PKP4: variants seen among roughly 807,000 people sequenced by gnomAD.
PKP4 encodes the protein plakophilin 4.
Under a neutral mutation model 145.1 loss-of-function variants are expected in PKP4, and 90 were observed. The observed-to-expected ratio is 0.62, with a 90% CI of 0.52 to 0.74. The LOEUF (loss-of-function observed/expected upper bound fraction) is 0.74. Ranked by LOEUF, PKP4 falls within the 30% of genes least tolerant of loss-of-function variation. The probability of loss-of-function intolerance (pLI) is 0.00; values close to 1 mark genes in which losing one functional copy is unlikely to be tolerated. For synonymous variants in PKP4, 563 were observed against 577.2 expected (o/e 0.98, Z 0.35); for missense variants, 1,340 against 1,482.7 (o/e 0.90, Z 1.58).
intron 4 of PKP4, among the ~76,000 whole-genome samples, chr2:158,610,232 G>A (rs566690831): frequency 7.8e-4 from 119 of 152,102 alleles, no homozygotes; most frequent in African/African-American, 2.7e-3. Context: ...AAACATTTCC[G>A]AGGGAATGTT....
intron 1 of PKP4, among the ~76,000 whole-genome samples, chr2:158,487,844 T>G (rs1465134620): frequency 6.6e-6 from 1 of 151,658 alleles, no homozygotes; most frequent in African/African-American, 2.4e-5. Context: ...AGGAAAAAGA[T>G]TTGACAAGGG....
At chr2:158,480,798 C>T (rs182861220) in intron 1 of PKP4, among the ~76,000 whole-genome samples, 17 of 152,172 alleles carry the variant, frequency 1.1e-4, no homozygotes, top group Admixed American at 2.6e-4. Flanking sequence ...GGACAATCAC[C>T]ATCCCTATCT....
intron 1 of PKP4, among the ~76,000 whole-genome samples, chr2:158,487,773 CTG>C (rs1491304414): frequency 2.1e-5 from 3 of 143,030 alleles, no homozygotes; most frequent in East Asian, 2.0e-4. Flanking sequence ...GAAAGAAAGA[CTG>C]AGAGAGAGAG....
chr2:158,563,552 TC>T (rs1187283452), intron 2 of PKP4, among the ~76,000 whole-genome samples: 2 of 152,186 alleles, frequency 1.3e-5, no homozygotes, highest in Non-Finnish European at 2.9e-5. Context: ...TTGCATGGAA[TC>T]CTATTATGTA....
chr2:158,543,397 A>G (rs2044691240), intron 2 of PKP4, among the ~76,000 whole-genome samples: 2 of 152,174 alleles, frequency 1.3e-5, no homozygotes, highest in Admixed American at 6.5e-5. Flanking sequence ...GAAATGGAAA[A>G]CACAAGATCA....
intron 10 of PKP4, among the ~76,000 whole-genome samples, chr2:158,641,953 CCTAT>C (rs774891795): frequency 2.0e-5 from 3 of 152,100 alleles, no homozygotes; most frequent in Non-Finnish European, 2.9e-5. Context: ...ACTTAAATCT[CCTAT>C]CTTTTTTTGA....
In PKP4 at chr2:158,642,707, T is replaced by C; in HGVS notation, c.1909+8T>C. On this transcript the variant is annotated splice_region_variant and intron_variant, in intron 11 of 21. Coordinates refer to ENST00000389759, the MANE Select transcript of PKP4 (RefSeq NM_003628.6). ...TAAGGGAGCTTGTTACAGGTAGGTATAGAATGTGATCTCGTCCTAGAGGAA... is the reference window on the plus strand; with the variant it reads ...TAAGGGAGCTTGTTACAGGTAGGTACAGAATGTGATCTCGTCCTAGAGGAA... 2 of 1,572,626 alleles carry C rather than the reference T, an allele frequency of 1.3e-6. No individual in the cohort carries two copies. Among genetic ancestry groups the C allele is most frequent in the African/African-American group, 1.3e-5 (1 of 74,106 alleles).
chr2:158,464,935 C>T (rs1020068532), intron 1 of PKP4, among the ~76,000 whole-genome samples: 7 of 152,186 alleles, frequency 4.6e-5, no homozygotes, highest in Admixed American at 2.0e-4. Flanking sequence ...TTATTTAAAA[C>T]GATACTACTT....
At chr2:158,678,550 A>G (rs776956766) in intron 20 of PKP4, 31 bp from the exon 21 acceptor site, 1 of 1,467,594 alleles carries the variant, frequency 6.8e-7, no homozygotes, top group Non-Finnish European at 9.6e-7. Context: ...AATAAGCACT[A>G]GTTTTAATTT....
chr2:158,539,240 CTG>C lies in PKP4; in HGVS notation c.132+5928_132+5929del, dbSNP rs149672674. On this transcript the variant is annotated intron_variant, in intron 2 of 21. Transcript: ENST00000389759. Reference sequence around the variant, plus strand: ...TAAAATAAGAAAATCTGAAGCCCAACTGTGTCCTATTGATGTTACTTCATTTT... The same window carrying C: ...TAAAATAAGAAAATCTGAAGCCCAACTGTCCTATTGATGTTACTTCATTTT... 7.0e-3 allele frequency among the ~76,000 whole-genome samples: 1,061 copies of C among 152,336 alleles called. 16 individuals are homozygous for C. Among genetic ancestry groups the C allele is most frequent in the African/African-American group, 0.024 (1,015 of 41,568 alleles).
rs552101909 is a variant in PKP4 at position 158,602,918 on chromosome 2, ATTAAC to A, written c.246-148_246-144del. The A allele has an allele frequency of 4.6e-4, 213 of 465,934 alleles. 1 individual carries two copies. The highest frequency in any genetic ancestry group is 7.7e-4 in the Non-Finnish European group (198 of 257,446). 28.9% of individuals were successfully genotyped at this position (465,934 alleles called of 1,614,324 possible). On this transcript the variant is annotated intron_variant, in intron 3 of 21. Coordinates refer to ENST00000389759, the MANE Select transcript of PKP4 (RefSeq NM_003628.6). ...TCCCAATTTTAAATACTATCTAAAA[ATTAAC>A]TTAGATAAGTTTAAATTTTATTTAA...
At chr2:158,561,175 T>C (rs2046480755) in intron 2 of PKP4, among the ~76,000 whole-genome samples, 1 of 152,244 alleles carries the variant, frequency 6.6e-6, no homozygotes, top group South Asian at 2.1e-4. Context: ...ACACTCGTCA[T>C]TTATGTTTAT....
chr2:158,474,116 C>T (rs529910004), intron 1 of PKP4, among the ~76,000 whole-genome samples: 3 of 152,122 alleles, frequency 2.0e-5, no homozygotes, highest in Non-Finnish European at 4.4e-5. Context: ...TTCTTTCATC[C>T]TCATAGTCAT....
intron 11 of PKP4, among the ~76,000 whole-genome samples, chr2:158,645,734 T>A (rs2054760583): frequency 1.3e-5 from 2 of 152,230 alleles, no homozygotes; most frequent in South Asian, 4.1e-4. Context: ...GGAATGAGTC[T>A]TTTCTGAATT....
At chr2:158,623,800 A>C (rs1033643329) in intron 6 of PKP4, among the ~76,000 whole-genome samples, 2 of 152,168 alleles carry the variant, frequency 1.3e-5, no homozygotes. Flanking sequence ...TCTAGCAGCC[A>C]CTAAGGAGGT....
At chr2:158,509,388 C>T (rs537898200) in intron 1 of PKP4, among the ~76,000 whole-genome samples, 92 of 152,198 alleles carry the variant, frequency 6.0e-4, no homozygotes, top group African/African-American at 2.1e-3. Context: ...CAAATCAGAA[C>T]AGATATCTAT....
intron 1 of PKP4, among the ~76,000 whole-genome samples, chr2:158,466,603 G>C (rs966446421): frequency 3.9e-5 from 6 of 152,122 alleles, no homozygotes; most frequent in Non-Finnish European, 5.9e-5. Context: ...TACTTGGGAG[G>C]CTGAGGTGAG....
intron 1 of PKP4, among the ~76,000 whole-genome samples, chr2:158,490,155 G>A (rs763854206): frequency 4.1e-4 from 62 of 152,136 alleles, no homozygotes; most frequent in Admixed American, 7.9e-4. Context: ...CATCTACCTA[G>A]GATTTTTTAA....
chr2:158,658,512 G>T (rs558239782), intron 12 of PKP4, 198 bp downstream of exon 12: 4 of 479,354 alleles, frequency 8.3e-6, no homozygotes, highest in Non-Finnish European at 1.4e-5. Context: ...AAGTTATCTT[G>T]TAAATGACTC....
Sources: allele counts gnomAD v4.1 joint callset (sites outside exome capture counted in the v4.1 genomes callset), GRCh38; gene constraint gnomAD v4.1.1; transcripts MANE v1.5; gene names NCBI Gene and HGNC (gene_info 2026-07-23, HGNC 2026-07-21).